The following RAB25 variants were observed in gnomAD, a reference collection of about 807,000 sequenced individuals.
The protein encoded by RAB25 is ras-related protein Rab-25.
Under a neutral mutation model 25.2 loss-of-function variants are expected in RAB25, and 23 were observed. The observed-to-expected ratio is 0.91, with a 90% CI of 0.66 to 1.29. The LOEUF (loss-of-function observed/expected upper bound fraction) is 1.29. Among genes scored for constraint, RAB25 ranks in the 50% most tolerant of loss-of-function variants. RAB25 has a pLI of 0.00. For synonymous variants in RAB25, 102 were observed against 111.5 expected, an observed-to-expected ratio of 0.91 and a Z score of 0.54; for missense variants, 244 against 277.3, an observed-to-expected ratio of 0.88 and a Z score of 0.85.
At chr1:156,068,108 C>G in intron 2 of RAB25, 162 bp from the exon 3 acceptor site, 1 of 626,188 alleles carries the variant, frequency 1.6e-6, no homozygotes. Context: ...GGCAGAGGAG[C>G]CTTGGGCTGC....
Position 156,070,405 on chromosome 1 carries a change from C to A in RAB25, c.*118C>A. 4.4e-6 allele frequency: 6 copies of A among 1,358,240 alleles called. No homozygotes were observed. Among genetic ancestry groups the A allele is most frequent in the Non-Finnish European group, 6.0e-6 (6 of 997,962 alleles). The allele number at this position is 1,358,240 out of a possible 1,614,324, so 84.1% of individuals were successfully genotyped here. Reference sequence around the variant, plus strand: ...ATCAGACTGTTCCCTGTTCACAGCACCCTCAGGGTCTTAAGGTCTTCATGC... The same window carrying A: ...ATCAGACTGTTCCCTGTTCACAGCAACCTCAGGGTCTTAAGGTCTTCATGC... On this transcript the variant is annotated 3_prime_UTR_variant, in exon 5 of 5. Coordinates refer to ENST00000361084, the MANE Select transcript of RAB25 (RefSeq NM_020387.4).
chr1:156,067,687 G>A (rs549244917), intron 2 of RAB25, among the ~76,000 whole-genome samples: 24 of 152,348 alleles, frequency 1.6e-4, no homozygotes, highest in African/African-American at 5.5e-4. Context: ...GAGAACCTGA[G>A]AAAGTAGAGG....
intron 4 of RAB25, 149 bp downstream of exon 4, chr1:156,069,900 C>A: frequency 1.2e-6 from 1 of 864,656 alleles, no homozygotes; most frequent in Non-Finnish European, 1.9e-6. Flanking sequence ...CTCAGTCCCT[C>A]CCCAGTGCCT....
In RAB25 at chr1:156,068,227, G is replaced by A. The variant is rs754197410; in HGVS notation, c.240-43G>A. 1.1e-5 allele frequency: 16 copies of A among 1,517,736 alleles called. 1 individual carries two copies. The Admixed American group carries it at 2.0e-4, about 19-fold the overall frequency. The allele number at this position is 1,517,736 out of a possible 1,614,324, so 94.0% of individuals were successfully genotyped here. A position where few individuals can be genotyped will look rare whatever the true frequency, so the allele number is the denominator to read the frequency against. The stretch of plus-strand genomic sequence containing the variant: ...GCTCTGCTCTGATGCTGGGTCCAAT[G>A]CCTCTGATCGTATCTCTGTCCATCC... On this transcript the variant is annotated intron_variant, in intron 2 of 4. Transcript: ENST00000361084.
Position 156,068,334 on chromosome 1 carries a change from G to C in RAB25, c.304G>C (p.Val102Leu), listed in dbSNP as rs1466496665. The C allele has an allele frequency of 1.9e-6, 3 of 1,613,980 alleles. No individual in the cohort carries two copies. The highest frequency in any genetic ancestry group is 2.5e-6 in the Non-Finnish European group (3 of 1,179,994). Reference sequence around the variant, plus strand: ...CCTAACCAAGCACCAGACCTATGCTGTGGTGGAGCGATGGCTGAAGGAGCT... The same window carrying C: ...CCTAACCAAGCACCAGACCTATGCTCTGGTGGAGCGATGGCTGAAGGAGCT... ...FDLTKHQTYA[V>L]VERWLKELYD... Residue 102 changes from valine (V) to leucine (L), a missense_variant, in exon 3 of 5, where the codon GTG becomes CTG. By Grantham distance (32) the Val-to-Leu change is conservative. Coordinates refer to ENST00000361084, the MANE Select transcript of RAB25 (RefSeq NM_020387.4).
rs560137192 is a variant in RAB25, at chr1:156,066,104, G to T, written c.237G>T (p.Ser79=). 3 of 1,577,276 alleles carry T rather than the reference G, an allele frequency of 1.9e-6. No homozygotes were observed. The highest frequency in any genetic ancestry group is 2.6e-6 in the Non-Finnish European group (3 of 1,155,382). The change falls in exon 2 of 5, where the codon TCG becomes TCT. Residue 79 remains serine (S), a splice_region_variant and synonymous_variant. Transcript: ENST00000361084. ...AGLERYRAIT[S]AYYRGAVGAL... is the part of the protein sequence containing the mutation. ...TGGAGCGGTACCGAGCCATCACCTCGGCGTGAGCCCGGGCCTGGGGGGCTG... is the reference window on the plus strand; with the variant it reads ...TGGAGCGGTACCGAGCCATCACCTCTGCGTGAGCCCGGGCCTGGGGGGCTG...
rs897289927 is a variant in RAB25 at position 156,069,839 on chromosome 1, C to G, written c.514+88C>G. 2.5e-6 allele frequency: 3 copies of G among 1,220,326 alleles called. No homozygotes were observed. In the Admixed American group the frequency reaches 5.1e-5, roughly 21 times the overall value. The allele number at this position is 1,220,326 out of a possible 1,614,324, so 75.6% of individuals were successfully genotyped here. On this transcript the variant is annotated intron_variant, in intron 4 of 4. Transcript: ENST00000361084. ...GGAATGCAGACACTCAGCCCTCACC[C>G]CAGCTAATTTCTCAGCTCCTCTGTG...
At chr1:156,062,451 C>T (rs1647614411) in intron 1 of RAB25, among the ~76,000 whole-genome samples, 1 of 152,124 alleles carries the variant, frequency 6.6e-6, no homozygotes, top group Admixed American at 6.6e-5. Flanking sequence ...ACTCTCCAGC[C>T]ACCCTACCCC....
intron 1 of RAB25, among the ~76,000 whole-genome samples, chr1:156,062,484 C>T (rs939466590): frequency 2.0e-5 from 3 of 152,136 alleles, no homozygotes; most frequent in Non-Finnish European, 4.4e-5. Context: ...AACCTCAGCC[C>T]GGCCCCTCCC....
chr1:156,066,439 TGTA>T (rs1647747269), intron 2 of RAB25, among the ~76,000 whole-genome samples: 1 of 152,228 alleles, frequency 6.6e-6, no homozygotes, highest in Admixed American at 6.5e-5. Flanking sequence ...AGTTAATTTC[TGTA>T]TAAATACAAA....
chr1:156,066,655 T>TAGGCC (rs903427207), intron 2 of RAB25, among the ~76,000 whole-genome samples: 3 of 152,136 alleles, frequency 2.0e-5, no homozygotes, highest in Non-Finnish European at 4.4e-5. Context: ...AAGTGTCTCT[T>TAGGCC]AGGCCGGGTG....
At chr1:156,065,287 C>T (rs574684519) in intron 1 of RAB25, among the ~76,000 whole-genome samples, 9 of 152,194 alleles carry the variant, frequency 5.9e-5, no homozygotes, top group Non-Finnish European at 1.2e-4. Context: ...AACACCCAGG[C>T]CCATGCTCTT....
chr1:156,064,073 C>A (rs965003496), intron 1 of RAB25, among the ~76,000 whole-genome samples: 3 of 152,182 alleles, frequency 2.0e-5, no homozygotes, highest in Admixed American at 2.0e-4. Flanking sequence ...GAGAGCCCAC[C>A]CACTGAGAGG....
chr1:156,069,687 C>T lies in RAB25; in HGVS notation c.450C>T (p.Leu150=), dbSNP rs534531639. The change falls in exon 4 of 5, where the codon CTC becomes CTT. Residue 150 remains leucine, a synonymous_variant. Coordinates refer to ENST00000361084, the MANE Select transcript of RAB25 (RefSeq NM_020387.4). ...ARMFAENNGL[L]FLETSALDST... is the part of the protein sequence containing the mutation. Reference sequence around the variant, plus strand: ...TCCTGGCAGAAAACAATGGACTGCTCTTCCTGGAGACCTCAGCCCTGGACT... The same window carrying T: ...TCCTGGCAGAAAACAATGGACTGCTTTTCCTGGAGACCTCAGCCCTGGACT... 2.5e-6 allele frequency: 4 copies of T among 1,612,364 alleles called. No individual in the cohort carries two copies. In the East Asian group the frequency reaches 6.7e-5, roughly 27 times the overall value.
chr1:156,068,590 C>CT, intron 3 of RAB25, 127 bp downstream of exon 3: 1 of 791,918 alleles, frequency 1.3e-6, no homozygotes, highest in Non-Finnish European at 1.9e-6. Context: ...TCCTCTACCC[C>CT]ATCCCCTCTT....
At position 156,070,251 on chromosome 1, in the gene RAB25, C is replaced by G; in HGVS notation, c.606C>G (p.Gly202=). ...LGSAQAGQEP[G]PGEKRACCIS... ...GTGCCCAGGCTGGACAGGAGCCTGG[C>G]CCTGGGGAGAAGAGGGCCTGTTGCA... The change falls in exon 5 of 5, where the codon GGC becomes GGG. Residue 202 remains glycine (G), a synonymous_variant. Transcript: ENST00000361084. The G allele has an allele frequency of 6.2e-7, 1 of 1,614,020 alleles. No individual in the cohort carries two copies. Among genetic ancestry groups the G allele is most frequent in the South Asian group, 1.1e-5 (1 of 91,074 alleles).
intron 1 of RAB25, 119 bp downstream of exon 1, chr1:156,061,562 A>T: frequency 9.3e-7 from 1 of 1,072,030 alleles, no homozygotes; most frequent in South Asian, 1.4e-5. Flanking sequence ...GGGGCTCCTC[A>T]TTCCTTCAGA....
intron 1 of RAB25, among the ~76,000 whole-genome samples, chr1:156,063,533 C>T (rs1321758944): frequency 6.6e-6 from 1 of 152,214 alleles, no homozygotes; most frequent in African/African-American, 2.4e-5. Flanking sequence ...AACAGCAACA[C>T]AGGCTGGACA....
In RAB25 at chr1:156,062,189, A is replaced by G. The variant is rs560632121; in HGVS notation, c.43+746A>G. On this transcript the variant is annotated intron_variant, in intron 1 of 4. Coordinates refer to ENST00000361084, the MANE Select transcript of RAB25 (RefSeq NM_020387.4). Reference sequence around the variant, plus strand: ...AGAAAGGAGAGACACATCCCATTATAGGGTGGGGCAATAAATACATAGGGA... The same window carrying G: ...AGAAAGGAGAGACACATCCCATTATGGGGTGGGGCAATAAATACATAGGGA... 1.9e-3 allele frequency among the ~76,000 whole-genome samples: 284 copies of G among 152,296 alleles called. 2 individuals carry two copies. The highest frequency in any genetic ancestry group is 6.5e-3 in the African/African-American group (269 of 41,562).
Sources: gnomAD v4.1 joint callset for allele counts (sites outside exome capture counted in the v4.1 genomes callset) on GRCh38, gnomAD v4.1.1 for gene constraint, MANE v1.5 for transcripts, NCBI Gene and HGNC (gene_info 2026-07-23, HGNC 2026-07-21) for gene names.